ATP13A4: variants seen among roughly 807,000 people sequenced by gnomAD.
ATP13A4 encodes the protein ATPase 13A4, also known as probable cation-transporting ATPase 13A4.
Under a neutral mutation model 142.5 loss-of-function variants are expected in ATP13A4, and 114 were observed. That is an observed-to-expected ratio of 0.80 (90% CI 0.69 to 0.93). The LOEUF (loss-of-function observed/expected upper bound fraction) is 0.93, where lower values mean the gene tolerates loss of function less well. Ranked by LOEUF, ATP13A4 falls within the 40% of genes least tolerant of loss-of-function variation. The pLI, the probability that ATP13A4 is intolerant of heterozygous loss-of-function variation, is 0.00. For synonymous variants in ATP13A4, 488 were observed against 514.8 expected (o/e 0.95, Z 0.70); for missense variants, 1,392 against 1,454.0 (o/e 0.96, Z 0.69).
chr3:193,510,850 C>A (rs1000546082), intron 2 of ATP13A4, among the ~76,000 whole-genome samples: 1 of 152,038 alleles, frequency 6.6e-6, no homozygotes, highest in African/African-American at 2.4e-5. Flanking sequence ...AACAGATATA[C>A]AACACATTTT....
Position 193,477,807 on chromosome 3 carries a change from G to A in ATP13A4, c.808+6129C>T, listed in dbSNP as rs1010486616. 3.3e-5 allele frequency among the ~76,000 whole-genome samples: 5 copies of A among 152,100 alleles called. No homozygotes were observed. The East Asian group carries it at 9.6e-4, about 29-fold the overall frequency. On this transcript the variant is annotated intron_variant, in intron 8 of 29. Transcript: ENST00000342695. ...AGTGCTGGGGAGGTAACTGTCCAGG[G>A]GAGAGCCACGAAGATCTGCCGAGGG...
chr3:193,417,529 C>A (rs1012143654), intron 25 of ATP13A4, among the ~76,000 whole-genome samples: 1 of 152,170 alleles, frequency 6.6e-6, no homozygotes, highest in Non-Finnish European at 1.5e-5. Flanking sequence ...TGTTTCATGT[C>A]ATCTCCATAA....
intron 2 of ATP13A4, among the ~76,000 whole-genome samples, chr3:193,561,233 G>C (rs1217158814): frequency 1.3e-5 from 2 of 152,254 alleles, no homozygotes; most frequent in Non-Finnish European, 2.9e-5. Flanking sequence ...GCTGCAGAGA[G>C]CAACGCTGGG....
At chr3:193,546,793 C>T (rs765027073) in intron 1 of ATP13A4, among the ~76,000 whole-genome samples, 4 of 152,180 alleles carry the variant, frequency 2.6e-5, no homozygotes, top group Admixed American at 6.5e-5. Context: ...CTTTGCCAAA[C>T]GAACCTGGTA....
rs750347660 is a variant in ATP13A4 at position 193,514,840 on chromosome 3, C to T, written c.92G>A (p.Arg31Gln). Reference protein sequence around the residue: ...EIFGYRTQGCRKSLCLAGSIF... With the variant: ...EIFGYRTQGCQKSLCLAGSIF... ...GGATCCGGCAAGGCAGAGACTTTTC[C>T]GGCAGCCTTGAGTCCGATAGCCAAA... is the stretch of plus-strand genomic sequence containing the variant. Residue 31 changes from arginine to glutamine, a missense_variant, in exon 2 of 30, where the codon CGG becomes CAG. Coordinates refer to ENST00000342695, the MANE Select transcript of ATP13A4 (RefSeq NM_032279.4). 10 of 1,614,014 alleles carry T rather than the reference C, an allele frequency of 6.2e-6. No individual in the cohort carries two copies. Among genetic ancestry groups the T allele is most frequent in the Admixed American group, 5.0e-5 (3 of 59,998 alleles).
At chr3:193,468,651 G>T (rs1329678525) in intron 9 of ATP13A4, among the ~76,000 whole-genome samples, 1 of 152,200 alleles carries the variant, frequency 6.6e-6, no homozygotes, top group African/African-American at 2.4e-5. Context: ...GGAGGCTGAA[G>T]CACGAGAATC....
chr3:193,547,346 T>A (rs903267793), intron 1 of ATP13A4, among the ~76,000 whole-genome samples: 12 of 152,210 alleles, frequency 7.9e-5, no homozygotes, highest in Non-Finnish European at 1.8e-4. Context: ...GGCTTCCACA[T>A]TGTGTCATCC....
At chr3:193,531,175 G>A (rs553270854) in intron 1 of ATP13A4, among the ~76,000 whole-genome samples, 5 of 150,696 alleles carry the variant, frequency 3.3e-5, no homozygotes, top group South Asian at 4.2e-4. Flanking sequence ...GCACTAGCCC[G>A]TTGAACTCTG....
intron 14 of ATP13A4, chr3:193,458,831 G>C (rs1232603889): frequency 6.5e-6 from 4 of 611,704 alleles, no homozygotes; most frequent in Non-Finnish European, 1.2e-5. Context: ...TTTAATATTT[G>C]CCAGGCATAG....
At chr3:193,507,536 A>G (rs1295568115) in intron 2 of ATP13A4, among the ~76,000 whole-genome samples, 22 of 152,060 alleles carry the variant, frequency 1.4e-4, no homozygotes, top group Admixed American at 1.4e-3. Flanking sequence ...AAAAAAAAAG[A>G]GGAGGGAGGG....
At chr3:193,485,355 T>C (rs887721639) in intron 7 of ATP13A4, among the ~76,000 whole-genome samples, 1 of 152,046 alleles carries the variant, frequency 6.6e-6, no homozygotes, top group African/African-American at 2.4e-5. Context: ...GCAGCAGTCC[T>C]TAGAGAGTGG....
intron 2 of ATP13A4, among the ~76,000 whole-genome samples, chr3:193,573,301 A>ATATACTTATATATATATATGTGTG (rs1560287360): frequency 7.6e-5 from 6 of 78,992 alleles, no homozygotes; most frequent in African/African-American, 3.2e-4. Flanking sequence ...ACATATATAT[A>ATATACTTATATATATATATGTGTG]TATATACATA....
At chr3:193,457,304 C>A (rs1224888593) in intron 15 of ATP13A4, 75 bp downstream of exon 15, 5 of 1,585,270 alleles carry the variant, frequency 3.2e-6, no homozygotes, top group Non-Finnish European at 4.3e-6. Flanking sequence ...CATCTGTGAC[C>A]TTTCAAAAAC....
chr3:193,409,169 T>A (rs530339775), intron 28 of ATP13A4, among the ~76,000 whole-genome samples: 1 of 152,308 alleles, frequency 6.6e-6, no homozygotes. Context: ...AATTTATAAA[T>A]TTTTAAGTAA....
chr3:193,420,706 A>T (rs1715363145), intron 25 of ATP13A4, among the ~76,000 whole-genome samples: 1 of 149,690 alleles, frequency 6.7e-6, no homozygotes, highest in African/African-American at 2.5e-5. Context: ...ACAAAGAGAT[A>T]AATATCATTT....
rs1208702675 is a variant in ATP13A4 at position 193,448,108 on chromosome 3, G to C, written c.2152+98C>G. On this transcript the variant is annotated intron_variant, in intron 18 of 29. Transcript: ENST00000342695. ...TCTCCAGCACCTGGAATGATGTCTG[G>C]CCCAGAGTAGGTAGTCAACAACATT... 13 of 1,511,320 alleles carry C rather than the reference G, an allele frequency of 8.6e-6. No homozygotes were observed. In the South Asian group the frequency reaches 1.4e-4, roughly 16 times the overall value. The allele number at this position is 1,511,320 out of a possible 1,614,324, so 93.6% of individuals were successfully genotyped here. A position where few individuals can be genotyped will look rare whatever the true frequency, so the allele number is the denominator to read the frequency against.
intron 20 of ATP13A4, 64 bp downstream of exon 20, chr3:193,441,402 C>A: frequency 1.3e-6 from 2 of 1,588,744 alleles, no homozygotes; most frequent in Non-Finnish European, 1.7e-6. Flanking sequence ...TAATTTAGGA[C>A]CATGTTCTGT....
intron 8 of ATP13A4, among the ~76,000 whole-genome samples, chr3:193,479,147 C>T (rs185745105): frequency 6.6e-6 from 1 of 152,146 alleles, no homozygotes; most frequent in African/African-American, 2.4e-5. Context: ...TATGACAAAT[C>T]CACAGCTAAC....
intron 17 of ATP13A4, among the ~76,000 whole-genome samples, chr3:193,449,909 C>T (rs1268877226): frequency 2.0e-5 from 3 of 151,990 alleles, no homozygotes; most frequent in South Asian, 2.1e-4. Flanking sequence ...CACCTGAGGT[C>T]GGGAGTTCGA....
Sources: gnomAD v4.1 joint callset for allele counts (sites outside exome capture counted in the v4.1 genomes callset) on GRCh38, gnomAD v4.1.1 for gene constraint, MANE v1.5 for transcripts, NCBI Gene and HGNC (gene_info 2026-07-23, HGNC 2026-07-21) for gene names.